MCM5: variants seen among roughly 807,000 people sequenced by gnomAD.
MCM5 encodes the protein DNA replication licensing factor MCM5.
Under a neutral mutation model 79.9 loss-of-function variants are expected in MCM5, and 46 were observed. The ratio of observed to expected loss-of-function variants is 0.58; its 90% CI spans 0.45 to 0.74. The LOEUF is 0.74. Ranked by LOEUF, MCM5 falls within the 30% of genes least tolerant of loss-of-function variation. MCM5 has a pLI of 0.00. For synonymous variants in MCM5, 404 were observed against 390.5 expected (o/e 1.03, Z -0.41); for missense variants, 883 against 1,017.0 (o/e 0.87, Z 1.79).
chr22:35,453,472 A>G, the MCM5 span, among the ~76,000 whole-genome samples: 1 of 98,088 alleles, frequency 1.0e-5, no homozygotes, highest in South Asian at 3.1e-4. Flanking sequence ...AGACAGAGAA[A>G]GAGACAGAGG....
At chr22:35,421,576 TGCTGA>T in intron 15 of MCM5, 116 bp downstream of exon 15, 1 of 1,424,746 alleles carries the variant, frequency 7.0e-7, no homozygotes, top group Non-Finnish European at 9.8e-7. Context: ...TCTCTGAGTT[TGCTGA>T]GCTTCTCTGA....
At chr22:35,440,988 C>T in the MCM5 span, among the ~76,000 whole-genome samples, 10 of 147,106 alleles carry the variant, frequency 6.8e-5, no homozygotes, top group African/African-American at 2.3e-4. Flanking sequence ...ACCCGGGAGG[C>T]GGAGGTTGCG....
chr22:35,416,219 C>T lies in MCM5; in HGVS notation c.1348-120C>T. The T allele has an allele frequency of 1.0e-5, 11 of 1,058,300 alleles. No individual in the cohort carries two copies. In the South Asian group the frequency reaches 1.4e-4, roughly 13 times the overall value. The allele number at this position is 1,058,300 out of a possible 1,614,324, so 65.6% of individuals were successfully genotyped here. ...TGATTAGAGGTGACCTGGTTGCTGC[C>T]ATTGGCCTTGCGTGGAGCTGGTATT... On this transcript the variant is annotated intron_variant, in intron 10 of 16. Coordinates refer to ENST00000216122, the MANE Select transcript of MCM5 (RefSeq NM_006739.4).
chr22:35,436,245 C>G, the MCM5 span, among the ~76,000 whole-genome samples: 1 of 151,992 alleles, frequency 6.6e-6, no homozygotes, highest in Non-Finnish European at 1.5e-5. Flanking sequence ...TGTTTGGGAC[C>G]CCTGCCCTCC....
chr22:35,412,500 G>A lies in MCM5; in HGVS notation c.920-10G>A, dbSNP rs373185626. 6.2e-5 allele frequency: 95 copies of A among 1,529,088 alleles called. No individual in the cohort carries two copies. The highest frequency in any genetic ancestry group is 8.2e-5 in the Non-Finnish European group (93 of 1,135,982). 94.7% of individuals were successfully genotyped at this position (1,529,088 alleles called of 1,614,324 possible). A position where few individuals can be genotyped will look rare whatever the true frequency, so the allele number is the denominator to read the frequency against. The stretch of plus-strand genomic sequence containing the variant: ...TTGTACTCACTCATGCGCCTGCTTT[G>A]CCTACCAAGGCCGCAGCTTTGCTGG... On this transcript the variant is annotated splice_polypyrimidine_tract_variant and intron_variant, in intron 7 of 16. Transcript: ENST00000216122.
chr22:35,406,509 C>T (rs1439592753), intron 4 of MCM5, 44 bp from the exon 5 acceptor site: 2 of 1,581,372 alleles, frequency 1.3e-6, no homozygotes, highest in South Asian at 1.1e-5. Flanking sequence ...CAGATGCGTC[C>T]TGGCTCCCCT....
chr22:35,402,324 G>GTT (rs1380380102), intron 2 of MCM5, among the ~76,000 whole-genome samples: 4 of 149,900 alleles, frequency 2.7e-5, no homozygotes, highest in African/African-American at 9.8e-5. Context: ...TTGTTGTTTT[G>GTT]TTTTTTGTTT....
At chr22:35,416,310 C>G in intron 10 of MCM5, 29 bp from the exon 11 acceptor site, 1 of 1,606,162 alleles carries the variant, frequency 6.2e-7, no homozygotes, top group Non-Finnish European at 8.5e-7. Context: ...TTCAGTAGGT[C>G]TGATGATATT....
intron 15 of MCM5, 30 bp downstream of exon 15, chr22:35,421,490 T>G: frequency 6.2e-7 from 1 of 1,613,738 alleles, no homozygotes; most frequent in Non-Finnish European, 8.5e-7. Flanking sequence ...ATGGTCTCAA[T>G]TGATCTGGGT....
chr22:35,450,091 G>T, the MCM5 span, among the ~76,000 whole-genome samples: 1 of 152,186 alleles, frequency 6.6e-6, no homozygotes. Context: ...GACAGGGAAG[G>T]GTGCTATAGG....
At chr22:35,449,513 G>A in the MCM5 span, among the ~76,000 whole-genome samples, 1 of 151,586 alleles carries the variant, frequency 6.6e-6, no homozygotes, top group Non-Finnish European at 1.5e-5. Context: ...GCCCAGCCGT[G>A]GCTTCTCTGT....
the MCM5 span, among the ~76,000 whole-genome samples, chr22:35,434,788 G>A: frequency 6.6e-6 from 1 of 152,164 alleles, no homozygotes; most frequent in South Asian, 2.1e-4. Flanking sequence ...TAATAGCCTG[G>A]GAAGGACGCA....
At chr22:35,400,659 C>A in intron 2 of MCM5, 54 bp downstream of exon 2, 1 of 1,503,732 alleles carries the variant, frequency 6.7e-7, no homozygotes, top group South Asian at 1.3e-5. Flanking sequence ...GCTCACACGC[C>A]TCTACCAGCC....
intron 10 of MCM5, 22 bp from the exon 11 acceptor site, chr22:35,416,317 T>C (rs2145795912): frequency 6.2e-7 from 1 of 1,611,520 alleles, no homozygotes; most frequent in Non-Finnish European, 8.5e-7. Flanking sequence ...GGTCTGATGA[T>C]ATTTCTCTCT....
chr22:35,447,502 G>A, the MCM5 span, among the ~76,000 whole-genome samples: 4 of 151,520 alleles, frequency 2.6e-5, no homozygotes, highest in South Asian at 2.1e-4. Flanking sequence ...AGACAGAGTC[G>A]TATTCTGTTG....
chr22:35,413,807 G>A, intron 8 of MCM5, 68 bp from the exon 9 acceptor site: 1 of 902,580 alleles, frequency 1.1e-6, no homozygotes, highest in Non-Finnish European at 1.9e-6. Context: ...CCACCAATCT[G>A]GTGACTGGAT....
At chr22:35,416,604 C>A in intron 11 of MCM5, 34 bp from the exon 12 acceptor site, 1 of 1,590,378 alleles carries the variant, frequency 6.3e-7, no homozygotes, top group Non-Finnish European at 8.6e-7. Context: ...TCTTTGCCAT[C>A]TCCTCCCCCT....
the MCM5 span, among the ~76,000 whole-genome samples, chr22:35,441,535 T>C: frequency 6.6e-6 from 1 of 152,110 alleles, no homozygotes; most frequent in Admixed American, 6.5e-5. Context: ...ATTTTACAGG[T>C]GTGGAAACAG....
intron 6 of MCM5, chr22:35,409,643 G>T (rs192109434): frequency 6.6e-6 from 1 of 152,332 alleles, no homozygotes; most frequent in East Asian, 1.9e-4. Flanking sequence ...ATAGTAACCT[G>T]GGTGGAAGGT....
Sources: allele counts gnomAD v4.1 joint callset (sites outside exome capture counted in the v4.1 genomes callset), GRCh38; gene constraint gnomAD v4.1.1; transcripts MANE v1.5; gene names NCBI Gene and HGNC (gene_info 2026-07-23, HGNC 2026-07-21).